The following HTR4 variants were observed in gnomAD, a reference collection of about 807,000 sequenced individuals.
HTR4 encodes the protein 5-hydroxytryptamine receptor 4.
HTR4 carries 16 observed loss-of-function variants against 36.8 expected under a neutral mutation model. The observed-to-expected ratio is 0.43, with a 90% CI of 0.29 to 0.66. HTR4 has a LOEUF of 0.66. HTR4 is among the 30% of genes least tolerant of loss of function. The probability of loss-of-function intolerance (pLI) is 0.13; values close to 1 mark genes in which losing one functional copy is unlikely to be tolerated. For synonymous variants in HTR4, 189 were observed against 185.1 expected (o/e 1.02, Z -0.17); for missense variants, 438 against 490.9 (o/e 0.89, Z 1.02).
At chr5:148,568,405 C>T (rs1760539311) in intron 2 of HTR4, among the ~76,000 whole-genome samples, 1 of 152,114 alleles carries the variant, frequency 6.6e-6, no homozygotes, top group South Asian at 2.1e-4. Context: ...AATCAATCAA[C>T]TAACGAACCA....
intron 4 of HTR4, among the ~76,000 whole-genome samples, chr5:148,529,377 G>C (rs867260372): frequency 4.6e-5 from 7 of 152,108 alleles, no homozygotes; most frequent in African/African-American, 1.7e-4. Flanking sequence ...ATTGAATCAC[G>C]GGAGTGCGTC....
chr5:148,638,835 G>A (rs115621332), intron 1 of HTR4, among the ~76,000 whole-genome samples: 1,824 of 152,100 alleles, frequency 0.012, 33 homozygotes, highest in African/African-American at 0.041. Flanking sequence ...TGAGTGGATC[G>A]CTTGAGCCCA....
intron 1 of HTR4, among the ~76,000 whole-genome samples, chr5:148,638,524 T>A (rs145492641): frequency 7.2e-4 from 110 of 152,254 alleles, no homozygotes; most frequent in African/African-American, 2.6e-3. Flanking sequence ...CAAAATTTTA[T>A]CCCTACGTTG....
At chr5:148,627,238 C>T (rs1753147472) in intron 2 of HTR4, among the ~76,000 whole-genome samples, 1 of 152,172 alleles carries the variant, frequency 6.6e-6, no homozygotes, top group Non-Finnish European at 1.5e-5. Context: ...TTCTGTCTTC[C>T]GTGCAGACTG....
intron 2 of HTR4, among the ~76,000 whole-genome samples, chr5:148,624,665 G>T (rs1397039281): frequency 1.3e-5 from 2 of 152,216 alleles, no homozygotes; most frequent in African/African-American, 4.8e-5. Flanking sequence ...TCACTCTCCC[G>T]TCTCTTCTCC....
intron 5 of HTR4, among the ~76,000 whole-genome samples, chr5:148,518,377 G>T (rs1230669199): frequency 6.6e-6 from 1 of 152,030 alleles, no homozygotes; most frequent in African/African-American, 2.4e-5. Context: ...AAATATGGTT[G>T]GGGCTCGATA....
chr5:148,465,958 A>T (rs983733595), intron 5 of HTR4: 6 of 1,600,502 alleles, frequency 3.7e-6, no homozygotes, highest in Non-Finnish European at 5.1e-6. Context: ...GCCACAGATG[A>T]GGGAGAGCCA....
At chr5:148,543,200 A>G (rs752970142) in intron 4 of HTR4, among the ~76,000 whole-genome samples, 1 of 152,220 alleles carries the variant, frequency 6.6e-6, no homozygotes, top group African/African-American at 2.4e-5. Context: ...ACAAGAAACC[A>G]GAGCTGATGG....
intron 2 of HTR4, among the ~76,000 whole-genome samples, chr5:148,611,486 T>C (rs1217726446): frequency 1.5e-5 from 2 of 130,358 alleles, no homozygotes; most frequent in African/African-American, 6.0e-5. Context: ...CTGAGAGATT[T>C]TGTCACCACC....
At chr5:148,612,310 G>C (rs1190623383) in intron 2 of HTR4, among the ~76,000 whole-genome samples, 29 of 150,850 alleles carry the variant, frequency 1.9e-4, no homozygotes, top group Admixed American at 3.9e-4. Flanking sequence ...TAAAAGAACA[G>C]AAATTATAAC....
chr5:148,585,076 C>T (rs1165344149), intron 2 of HTR4, among the ~76,000 whole-genome samples: 1 of 152,184 alleles, frequency 6.6e-6, no homozygotes, highest in Non-Finnish European at 1.5e-5. Flanking sequence ...GGCTAGCTGC[C>T]TGACCTTGAA....
intron 2 of HTR4, among the ~76,000 whole-genome samples, chr5:148,628,217 C>T (rs1300320622): frequency 6.6e-6 from 1 of 152,172 alleles, no homozygotes; most frequent in Non-Finnish European, 1.5e-5. Flanking sequence ...GAAAAGCAAA[C>T]CATTGAAGTT....
chr5:148,654,228 C>T lies in HTR4; in HGVS notation c.-214G>A, dbSNP rs1372446847. ...GGCTCCAGCCCCCGCGCTGGGGAGC[C>T]GGCGAGCGTGAGGCGCGGGCCAGGG... On this transcript the variant is annotated 5_prime_UTR_variant, in exon 1 of 7. Transcript: ENST00000377888. The T allele has an allele frequency of 3.0e-6, 3 of 985,146 alleles. No homozygotes were observed. Among genetic ancestry groups the T allele is most frequent in the Non-Finnish European group, 3.6e-6 (3 of 829,836 alleles). The allele number at this position is 985,146 out of a possible 1,614,324, so 61.0% of individuals were successfully genotyped here.
chr5:148,575,965 G>C (rs1581497415), intron 2 of HTR4, among the ~76,000 whole-genome samples: 1 of 151,606 alleles, frequency 6.6e-6, no homozygotes, highest in Admixed American at 6.6e-5. Flanking sequence ...TAGACAACAT[G>C]ATTCTATATC....
chr5:148,537,416 CA>C (rs1006037194), intron 4 of HTR4, among the ~76,000 whole-genome samples: 1 of 151,740 alleles, frequency 6.6e-6, no homozygotes, highest in African/African-American at 2.4e-5. Context: ...AATCAAGACA[CA>C]AAAAAACATT....
intron 2 of HTR4, chr5:148,629,058 A>G (rs1054890352): frequency 1.3e-5 from 2 of 152,142 alleles, no homozygotes; most frequent in African/African-American, 4.8e-5. Context: ...GATTTGCACA[A>G]GTCCTAATAA....
intron 1 of HTR4, among the ~76,000 whole-genome samples, chr5:148,648,982 C>T (rs1392960862): frequency 6.6e-6 from 1 of 152,052 alleles, no homozygotes; most frequent in Admixed American, 6.5e-5. Context: ...GTTTAAGTAG[C>T]CAGTGTTGGC....
chr5:148,616,245 G>A (rs1752685061), intron 2 of HTR4, among the ~76,000 whole-genome samples: 1 of 152,050 alleles, frequency 6.6e-6, no homozygotes. Flanking sequence ...CCTTTCTGAT[G>A]GTTTATTTTT....
intron 2 of HTR4, among the ~76,000 whole-genome samples, chr5:148,581,685 C>T (rs1462805631): frequency 6.6e-6 from 1 of 151,974 alleles, no homozygotes; most frequent in Non-Finnish European, 1.5e-5. Flanking sequence ...TATTCTGTTC[C>T]ATTGATCTAT....
Sources: allele counts gnomAD v4.1 joint callset (sites outside exome capture counted in the v4.1 genomes callset), GRCh38; gene constraint gnomAD v4.1.1; transcripts MANE v1.5; gene names NCBI Gene and HGNC (gene_info 2026-07-23, HGNC 2026-07-21).